Variants in KLHL1 observed in about 807,000 individuals in gnomAD.
KLHL1 encodes the protein kelch-like protein 1.
In KLHL1, 47 loss-of-function variants were observed where a neutral mutation model predicts 77.7. The ratio of observed to expected loss-of-function variants is 0.60; its 90% CI spans 0.48 to 0.77. KLHL1 has a LOEUF of 0.77. KLHL1 is among the 30% of genes least tolerant of loss of function. The pLI, the probability that KLHL1 is intolerant of heterozygous loss-of-function variation, is 0.00. For missense variants in KLHL1, 925 were observed against 910.8 expected (o/e 1.02, Z -0.20); for synonymous variants, 360 against 325.2 (o/e 1.11, Z -1.15).
intron 4 of KLHL1, among the ~76,000 whole-genome samples, chr13:69,892,785 T>G (rs920613724): frequency 1.3e-5 from 2 of 152,162 alleles, no homozygotes; most frequent in Admixed American, 1.3e-4. Context: ...AAGAAGTCAG[T>G]ACAGAAGTTA....
chr13:69,824,649 A>G (rs1399579977), intron 6 of KLHL1, among the ~76,000 whole-genome samples: 1 of 150,430 alleles, frequency 6.6e-6, no homozygotes, highest in Non-Finnish European at 1.5e-5. Context: ...TAGATAAAAG[A>G]CTACAAAATG....
chr13:69,870,041 T>C (rs1880520728), intron 5 of KLHL1, among the ~76,000 whole-genome samples: 1 of 152,290 alleles, frequency 6.6e-6, no homozygotes, highest in East Asian at 1.9e-4. Flanking sequence ...ATTATAAAAA[T>C]GTATGCTTTT....
chr13:69,892,305 T>C (rs146053367), intron 4 of KLHL1, among the ~76,000 whole-genome samples: 6 of 152,264 alleles, frequency 3.9e-5, no homozygotes, highest in South Asian at 2.1e-4. Context: ...AACACACCTA[T>C]GTGTTGAGGT....
At chr13:69,714,219 G>T (rs562164547) in intron 9 of KLHL1, among the ~76,000 whole-genome samples, 5 of 152,108 alleles carry the variant, frequency 3.3e-5, no homozygotes, top group Non-Finnish European at 5.9e-5. Context: ...GTATAATGAT[G>T]AATGGAAAGT....
rs548279662 is a variant in KLHL1, at chr13:69,842,849, T to A, written c.1228-3687A>T. ...GTATATATACACAATAGAATGCTAC[T>A]TGGCCATAAGAAAGAATAAAATCAT... On this transcript the variant is annotated intron_variant, in intron 5 of 10. Transcript: ENST00000377844. 3.9e-5 allele frequency among the ~76,000 whole-genome samples: 6 copies of A among 151,904 alleles called. No individual in the cohort carries two copies. In the South Asian group the frequency reaches 1.2e-3, roughly 31 times the overall value.
intron 6 of KLHL1, among the ~76,000 whole-genome samples, chr13:69,815,374 T>C (rs1220041648): frequency 6.6e-6 from 1 of 152,188 alleles, no homozygotes; most frequent in Non-Finnish European, 1.5e-5. Flanking sequence ...TATGCAGCCA[T>C]AATAAAGAAT....
rs139407571 is a variant in KLHL1 at position 70,043,239 on chromosome 13, TA to T, written c.497+63963del. ...TATTTTAACAAACAAGTTTAAATAC[TA>T]AAAAAAAATAAAAATAAAAATGAGA... is the stretch of plus-strand genomic sequence containing the variant. On this transcript the variant is annotated intron_variant, in intron 1 of 10. Coordinates refer to ENST00000377844, the MANE Select transcript of KLHL1 (RefSeq NM_020866.3). Among the ~76,000 whole-genome samples, 9 of 150,082 alleles carry T rather than the reference TA, an allele frequency of 6.0e-5. No homozygotes were observed. The South Asian group carries it at 6.3e-4, about 11-fold the overall frequency.
chr13:70,102,926 G>A, intron 1 of KLHL1, among the ~76,000 whole-genome samples: 1 of 152,126 alleles, frequency 6.6e-6, no homozygotes, highest in South Asian at 2.1e-4. Context: ...GTAGAATGAT[G>A]AGTAAAACAG....
rs536618416 is a variant in KLHL1 at position 69,788,714 on chromosome 13, A to C, written c.1639+8024T>G. ...GTATATCTTAACTCATAGCCTAGGA[A>C]TCTTGATAGACAGTGTATAAATAAT... is the stretch of plus-strand genomic sequence containing the variant. On this transcript the variant is annotated intron_variant, in intron 7 of 10. Transcript: ENST00000377844. 3.7e-4 allele frequency among the ~76,000 whole-genome samples: 57 copies of C among 152,242 alleles called. 1 individual carries two copies. In the South Asian group the frequency reaches 0.012, roughly 31 times the overall value.
At chr13:70,066,803 T>C (rs1887017924) in intron 1 of KLHL1, among the ~76,000 whole-genome samples, 1 of 152,204 alleles carries the variant, frequency 6.6e-6, no homozygotes, top group Admixed American at 6.5e-5. Context: ...CCACAATCCA[T>C]CCATGTTTTA....
chr13:69,706,876 T>TCG (rs1566350817), intron 10 of KLHL1, among the ~76,000 whole-genome samples: 1 of 140,296 alleles, frequency 7.1e-6, no homozygotes, highest in African/African-American at 3.0e-5. Context: ...CATCTTCCCA[T>TCG]CACACACACA....
intron 7 of KLHL1, among the ~76,000 whole-genome samples, chr13:69,757,353 T>C (rs1874796129): frequency 6.6e-6 from 1 of 152,124 alleles, no homozygotes; most frequent in African/African-American, 2.4e-5. Flanking sequence ...AAATTTTGAC[T>C]GATAAAATAT....
intron 3 of KLHL1, 87 bp from the exon 4 acceptor site, chr13:69,940,323 C>A (rs1593969871): frequency 1.1e-6 from 1 of 900,800 alleles, no homozygotes; most frequent in East Asian, 3.0e-5. Flanking sequence ...TTAGGCCAAT[C>A]TGCTAGAACA....
chr13:69,723,913 C>A (rs1873183366), intron 8 of KLHL1, among the ~76,000 whole-genome samples: 1 of 150,776 alleles, frequency 6.6e-6, no homozygotes, highest in Admixed American at 6.6e-5. Context: ...TCTTGGCTCA[C>A]TACAACCTCT....
intron 7 of KLHL1, among the ~76,000 whole-genome samples, chr13:69,781,902 ATAATT>A (rs768358900): frequency 6.9e-5 from 9 of 130,664 alleles, no homozygotes; most frequent in African/African-American, 8.7e-5. Context: ...CTATTTTCCC[ATAATT>A]TAATAGTCAT....
chr13:69,961,276 A>T, intron 3 of KLHL1, 32 bp downstream of exon 3: 3 of 1,586,434 alleles, frequency 1.9e-6, no homozygotes, highest in Non-Finnish European at 2.6e-6. Flanking sequence ...TTTATAAGAC[A>T]TCAGAATGAT....
chr13:70,084,674 AC>A (rs1382460630), intron 1 of KLHL1, among the ~76,000 whole-genome samples: 1 of 97,638 alleles, frequency 1.0e-5, no homozygotes, highest in African/African-American at 4.0e-5. Context: ...ACGGGGTTTC[AC>A]TGTGTTAGCC....
intron 1 of KLHL1, among the ~76,000 whole-genome samples, chr13:70,069,376 T>C (rs1887086645): frequency 6.6e-6 from 1 of 152,206 alleles, no homozygotes; most frequent in African/African-American, 2.4e-5. Flanking sequence ...TATCAACTCC[T>C]ATCAAGAGAA....
chr13:69,919,031 G>A (rs772889787), intron 4 of KLHL1, among the ~76,000 whole-genome samples: 3 of 152,084 alleles, frequency 2.0e-5, no homozygotes, highest in Non-Finnish European at 4.4e-5. Context: ...TTTGTGTCCT[G>A]GTTGTATGTA....
Sources: gnomAD v4.1 joint callset for allele counts (sites outside exome capture counted in the v4.1 genomes callset) on GRCh38, gnomAD v4.1.1 for gene constraint, MANE v1.5 for transcripts, NCBI Gene and HGNC (gene_info 2026-07-23, HGNC 2026-07-21) for gene names.